ATM: variants seen among roughly 807,000 people sequenced by gnomAD.
The protein encoded by ATM is ATM serine/threonine kinase, also known as serine-protein kinase ATM.
ATM carries 308 observed loss-of-function variants against 387.0 expected under a neutral mutation model. The observed-to-expected ratio is 0.80, with a 90% CI of 0.73 to 0.87. ATM has a LOEUF of 0.87. Ranked by LOEUF, ATM falls within the 40% of genes least tolerant of loss-of-function variation. The pLI is 0.00. For missense variants in ATM, 3,312 were observed against 3,560.9 expected, an observed-to-expected ratio of 0.93 and a Z score of 1.78; for synonymous variants, 1,156 against 1,187.3, an observed-to-expected ratio of 0.97 and a Z score of 0.54.
At chr11:108,332,423 ACT>A (rs753195144) in intron 52 of ATM, among the ~76,000 whole-genome samples, 9 of 151,696 alleles carry the variant, frequency 5.9e-5, no homozygotes, top group Non-Finnish European at 1.3e-4. Context: ...CAAGAGCGAA[ACT>A]CTGTCTCAAA....
At chr11:108,229,125 T>C in intron 3 of ATM, 53 bp from the exon 4 acceptor site, 1 of 1,553,214 alleles carries the variant, frequency 6.4e-7, no homozygotes, top group Non-Finnish European at 8.8e-7. Context: ...TTTGAAATTA[T>C]TATAATTTAA....
intron 8 of ATM, among the ~76,000 whole-genome samples, chr11:108,248,568 G>A (rs1344304661): frequency 6.6e-6 from 1 of 151,904 alleles, no homozygotes; most frequent in Non-Finnish European, 1.5e-5. Context: ...TCCCCCTAAT[G>A]AAATATTAGA....
chr11:108,235,619 C>CT (rs2079230352), intron 4 of ATM, 51 bp from the exon 5 acceptor site: 4 of 1,465,530 alleles, frequency 2.7e-6, no homozygotes, highest in Non-Finnish European at 3.8e-6. Context: ...TTCCAAGTGT[C>CT]TTATTTTTGT....
intron 5 of ATM, among the ~76,000 whole-genome samples, chr11:108,239,228 AAGTCAGT>A (rs2079442223): frequency 6.6e-6 from 1 of 152,216 alleles, no homozygotes; most frequent in Admixed American, 6.5e-5. Flanking sequence ...ATACAGTTCA[AAGTCAGT>A]AGTCTGCAGC....
intron 5 of ATM, among the ~76,000 whole-genome samples, chr11:108,241,704 A>ATGTCT (rs1346601829): frequency 7.4e-6 from 1 of 135,170 alleles, no homozygotes; most frequent in Non-Finnish European, 1.6e-5. Flanking sequence ...AGGTTCCTCC[A>ATGTCT]TGTCTTTCTC....
Position 108,271,332 on chromosome 11 carries a change from A to G in ATM, c.3003A>G (p.Leu1001=), listed in dbSNP as rs765969190. The change falls in exon 20 of 63, where the codon CTA becomes CTG. Residue 1001 remains leucine (L), a synonymous_variant. Coordinates refer to ENST00000675843, the MANE Select transcript of ATM (RefSeq NM_000051.4). ...ATGTCCTTCATGTAGTGAAAAACCTAGGTCAAAGCAATATGGACTCTGAGA... is the reference window on the plus strand; with the variant it reads ...ATGTCCTTCATGTAGTGAAAAACCTGGGTCAAAGCAATATGGACTCTGAGA... ...LNHVLHVVKN[L]GQSNMDSENT... 14 of 1,613,866 alleles carry G rather than the reference A, an allele frequency of 8.7e-6. No homozygotes were observed. The East Asian group carries it at 2.9e-4, about 33-fold the overall frequency.
In ATM at chr11:108,294,999, C is replaced by G. The variant is rs1006483748; in HGVS notation, c.4849C>G (p.Leu1617Val). 1.2e-6 allele frequency: 2 copies of G among 1,613,810 alleles called. No homozygotes were observed. The highest frequency in any genetic ancestry group is 1.7e-6 in the Non-Finnish European group (2 of 1,179,924). The change falls in exon 32 of 63, where the codon CTT becomes GTT. Residue 1617 changes from leucine (L) to valine (V), a missense_variant. By Grantham distance (32) the Leu-to-Val change is conservative (BLOSUM62 1). Coordinates refer to ENST00000675843, the MANE Select transcript of ATM (RefSeq NM_000051.4). ...GACAAGACTTGAAGGACTAAAGGAT[C>G]TTCGAAGACAACTGGAACTACATAA... ...PLTRLEGLKD[L>V]RRQLELHKDQ...
intron 2 of ATM, 38 bp from the exon 3 acceptor site, chr11:108,227,738 T>C: frequency 1.2e-6 from 2 of 1,609,070 alleles, no homozygotes; most frequent in Non-Finnish European, 1.7e-6. Flanking sequence ...GAAATAAGTG[T>C]GATTAGTAAC....
chr11:108,247,511 C>T (rs572565563), intron 8 of ATM, among the ~76,000 whole-genome samples: 19 of 152,168 alleles, frequency 1.2e-4, no homozygotes, highest in African/African-American at 4.3e-4. Flanking sequence ...ATAAAATTCA[C>T]GATTTTGAGT....
At chr11:108,357,870 C>T (rs2090204066) in intron 61 of ATM, among the ~76,000 whole-genome samples, 1 of 151,216 alleles carries the variant, frequency 6.6e-6, no homozygotes, top group African/African-American at 2.4e-5. Flanking sequence ...AAACTGGAAA[C>T]TCTAAAACGC....
At chr11:108,239,951 A>G (rs903685851) in intron 5 of ATM, among the ~76,000 whole-genome samples, 3 of 152,128 alleles carry the variant, frequency 2.0e-5, no homozygotes, top group African/African-American at 7.2e-5. Context: ...AGTGGTTTCC[A>G]TTTTTTTAAA....
intron 12 of ATM, 94 bp from the exon 13 acceptor site, chr11:108,253,720 A>G (rs1164327729): frequency 2.7e-5 from 22 of 808,628 alleles, no homozygotes; most frequent in Non-Finnish European, 4.0e-5. Context: ...TGTAGATACT[A>G]GGTTAATGTT....
rs749274576 is a variant in ATM, at chr11:108,248,914, A to G, written c.1066-19A>G. The G allele has an allele frequency of 1.3e-6, 2 of 1,548,924 alleles. No homozygotes were observed. The highest frequency in any genetic ancestry group is 2.8e-5 in the African/African-American group (2 of 72,386). On this transcript the variant is annotated intron_variant, in intron 8 of 62. Coordinates refer to ENST00000675843, the MANE Select transcript of ATM (RefSeq NM_000051.4). ...AAAAAAAAAAAAAAGAAAAAAGTGG[A>G]TTTATTTTTATTTTACAGGTTTTTA...
intron 38 of ATM, 137 bp from the exon 39 acceptor site, chr11:108,310,023 T>C (rs1175976757): frequency 1.0e-5 from 8 of 798,962 alleles, no homozygotes; most frequent in African/African-American, 6.9e-5. Context: ...TATAGGTATA[T>C]ATTGGGGAAA....
chr11:108,301,665 C>G lies in ATM; in HGVS notation c.5195C>G (p.Ala1732Gly), dbSNP rs1565476801. 2.5e-6 allele frequency: 4 copies of G among 1,613,492 alleles called. No individual in the cohort carries two copies. Among genetic ancestry groups the G allele is most frequent in the African/African-American group, 1.3e-5 (1 of 74,882 alleles). The change falls in exon 35 of 63, where the codon GCA becomes GGA. Residue 1732 changes from alanine to glycine, a missense_variant. Physicochemically the swap from Ala to Gly is moderately conservative, Grantham distance 60. Coordinates refer to ENST00000675843, the MANE Select transcript of ATM (RefSeq NM_000051.4). The stretch of plus-strand genomic sequence containing the variant: ...TTTTTCAGTGTCAAAGTTCGATCAG[C>G]AGCTGTTACCTGTTTGAAAAACATT... ...LVEDCVKVRS[A>G]AVTCLKNILA... is the part of the protein sequence containing the mutation.
At chr11:108,287,741 C>A (rs910976416) in intron 27 of ATM, 26 bp downstream of exon 27, 5 of 1,470,434 alleles carry the variant, frequency 3.4e-6, no homozygotes, top group Non-Finnish European at 4.8e-6. Flanking sequence ...ACTTAGAGAA[C>A]TAGCTCTAAC....
intron 16 of ATM, among the ~76,000 whole-genome samples, chr11:108,262,451 C>G (rs1396277857): frequency 6.6e-6 from 1 of 152,144 alleles, no homozygotes. Context: ...TTTGTCACCA[C>G]CAGGCCTGCC....
chr11:108,343,936 C>G (rs937481953), intron 57 of ATM, among the ~76,000 whole-genome samples: 1 of 152,190 alleles, frequency 6.6e-6, no homozygotes, highest in African/African-American at 2.4e-5. Flanking sequence ...TGTATGTTTT[C>G]TGTCTACCAG....
chr11:108,301,883 A>G (rs1400642316), intron 35 of ATM, 94 bp downstream of exon 35: 1 of 1,317,926 alleles, frequency 7.6e-7, no homozygotes, highest in Non-Finnish European at 1.1e-6. Context: ...TTGAAATAGT[A>G]TTGTACTAAC....
Sources: gnomAD v4.1 joint callset for allele counts (sites outside exome capture counted in the v4.1 genomes callset) on GRCh38, gnomAD v4.1.1 for gene constraint, MANE v1.5 for transcripts, NCBI Gene and HGNC (gene_info 2026-07-23, HGNC 2026-07-21) for gene names.